The following SYT7 variants were observed in gnomAD, a reference collection of about 807,000 sequenced individuals.
SYT7 encodes synaptotagmin 7.
Under a neutral mutation model 75.1 loss-of-function variants are expected in SYT7, and 29 were observed. The ratio of observed to expected loss-of-function variants is 0.39; its 90% CI spans 0.29 to 0.53. SYT7 has a LOEUF of 0.53. Ranked by LOEUF, SYT7 falls within the 20% of genes least tolerant of loss-of-function variation. The pLI is 0.77. For missense variants in SYT7, 693 were observed against 953.2 expected, an observed-to-expected ratio of 0.73 and a Z score of 3.59; for synonymous variants, 376 against 401.7, an observed-to-expected ratio of 0.94 and a Z score of 0.76.
At chr11:61,520,516 T>C (rs1319771107) in intron 12 of SYT7, among the ~76,000 whole-genome samples, 1 of 148,630 alleles carries the variant, frequency 6.7e-6, no homozygotes, top group African/African-American at 2.5e-5. Context: ...ACAGTGAGAC[T>C]CTGTCTAAAA....
In SYT7 at chr11:61,542,153, G is replaced by A. The variant is rs930015823; in HGVS notation, c.941+58C>T. Reference sequence around the variant, plus strand: ...AACCAGCTGCTCCCAAGGAGATCTGGGGGGCAGGAGGCTGGGTCAGGGAGG... The same window carrying A: ...AACCAGCTGCTCCCAAGGAGATCTGAGGGGCAGGAGGCTGGGTCAGGGAGG... On this transcript the variant is annotated intron_variant, in intron 6 of 12. Coordinates refer to ENST00000539008, the MANE Select transcript of SYT7 (RefSeq NM_001365809.2). The surrounding 1 kb of genome is among the most constrained non-coding windows in gnomAD (Gnocchi z 7.8). 3 of 1,501,592 alleles carry A rather than the reference G, an allele frequency of 2.0e-6. No homozygotes were observed. The highest frequency in any genetic ancestry group is 2.7e-6 in the Non-Finnish European group (3 of 1,130,816). The allele number at this position is 1,501,592 out of a possible 1,614,324, so 93.0% of individuals were successfully genotyped here. A position where few individuals can be genotyped will look rare whatever the true frequency, so the allele number is the denominator to read the frequency against.
chr11:61,536,547 A>T (rs1404935173), intron 7 of SYT7, among the ~76,000 whole-genome samples: 1 of 152,164 alleles, frequency 6.6e-6, no homozygotes, highest in Non-Finnish European at 1.5e-5. Context: ...TCAGGAAGTC[A>T]CAGCTCCTGT....
At chr11:61,584,626 G>A (rs193075686), upstream of SYT7, among the ~76,000 whole-genome samples, 460 of 152,266 alleles carry the variant, frequency 3.0e-3, 6 homozygotes, top group South Asian at 0.038. Flanking sequence ...GATGAGAGCC[G>A]AGCCAACTGT....
chr11:61,540,613 C>T (rs549338106), intron 6 of SYT7: 117 of 985,460 alleles, frequency 1.2e-4, no homozygotes, highest in Non-Finnish European at 1.3e-4. Context: ...TGATGCTGGA[C>T]GAATCCCAGT....
intron 1 of SYT7, among the ~76,000 whole-genome samples, chr11:61,579,655 A>G (rs1185862040): frequency 6.6e-6 from 1 of 152,232 alleles, no homozygotes; most frequent in East Asian, 1.9e-4. Context: ...GACTGCCTTC[A>G]GGAGCCTCAG....
rs576298033 is a variant in SYT7, at chr11:61,555,698, C to T, written c.135+406G>A. ...AGGGGAGCGGGCAGAGGGGAGGGGG[C>T]GCGGTGCTTAGAGTGGGGGCTCTAT... is the stretch of plus-strand genomic sequence containing the variant. On this transcript the variant is annotated intron_variant, in intron 2 of 12. Coordinates refer to ENST00000539008, the MANE Select transcript of SYT7 (RefSeq NM_001365809.2). Among the ~76,000 whole-genome samples the T allele has an allele frequency of 3.8e-4, 58 of 151,966 alleles. 1 individual carries two copies. In the South Asian group the frequency reaches 8.8e-3, roughly 23 times the overall value.
chr11:61,532,449 C>T (rs2062741117), intron 8 of SYT7, among the ~76,000 whole-genome samples: 2 of 152,144 alleles, frequency 1.3e-5, no homozygotes, highest in South Asian at 4.1e-4. Flanking sequence ...CAGGAGCCCC[C>T]ATCACAGCTG....
intron 1 of SYT7, among the ~76,000 whole-genome samples, chr11:61,569,546 A>G (rs1423515947): frequency 6.6e-6 from 1 of 152,160 alleles, no homozygotes. Context: ...ACAGGGACAC[A>G]TCGCAGGAAG....
At chr11:61,540,508 AC>A (rs2063009816) in intron 6 of SYT7, 3 of 985,482 alleles carry the variant, frequency 3.0e-6, no homozygotes, top group Non-Finnish European at 3.6e-6. Context: ...AAGTTGGCCG[AC>A]CCTTGAGGTG....
chr11:61,560,277 T>G (rs2063602805), intron 1 of SYT7, among the ~76,000 whole-genome samples: 1 of 152,196 alleles, frequency 6.6e-6, no homozygotes, highest in African/African-American at 2.4e-5. Context: ...TAGGGTTGCC[T>G]GGAGTCTCTC....
At chr11:61,537,442 G>A (rs1476659206) in intron 7 of SYT7, among the ~76,000 whole-genome samples, 1 of 152,168 alleles carries the variant, frequency 6.6e-6, no homozygotes, top group East Asian at 1.9e-4. Context: ...CCTGTGCTGT[G>A]GCCACACAGG....
chr11:61,539,051 C>T (rs796415631), intron 6 of SYT7, among the ~76,000 whole-genome samples: 4 of 152,316 alleles, frequency 2.6e-5, no homozygotes, highest in African/African-American at 4.8e-5. Flanking sequence ...TGAGCACCAC[C>T]GCTGAGTCCA....
chr11:61,557,914 G>A (rs1235251193), intron 1 of SYT7, among the ~76,000 whole-genome samples: 1 of 152,216 alleles, frequency 6.6e-6, no homozygotes, highest in African/African-American at 2.4e-5. Flanking sequence ...GGGAGAATAG[G>A]AGCAGGGCAC....
rs569270986 is a variant in SYT7, at chr11:61,514,945, G to A, written c.*3682C>T. On this transcript the variant is annotated 3_prime_UTR_variant, in exon 13 of 13. Transcript: ENST00000539008. ...AAGCTGGAGCGTCCCCCTTTGGTTT[G>A]TCTGAGCTGCCTTGGAGGGTGGCAA... Among the ~76,000 whole-genome samples, 363 of 152,308 alleles carry A rather than the reference G, an allele frequency of 2.4e-3. 1 individual carries two copies. The highest frequency in any genetic ancestry group is 8.4e-3 in the African/African-American group (350 of 41,560).
upstream of SYT7, among the ~76,000 whole-genome samples, chr11:61,584,952 G>A (rs1398631431): frequency 1.3e-5 from 2 of 152,206 alleles, no homozygotes; most frequent in African/African-American, 4.8e-5. Flanking sequence ...GTTCCATGAC[G>A]TGGCAGGAAA....
In SYT7 at chr11:61,580,921, G is replaced by A; in HGVS notation, c.-101C>T. ...GGCATGGGGCCGGGCGACCCCCGGG[G>A]GCGGGTCCGAGGGCGGGGGCCGAGC... On this transcript the variant is annotated 5_prime_UTR_variant, in exon 1 of 13. Coordinates refer to ENST00000539008, the MANE Select transcript of SYT7 (RefSeq NM_001365809.2). The surrounding 1 kb of genome is among the most constrained non-coding windows in gnomAD (Gnocchi z 6.1). The A allele has an allele frequency of 9.5e-7, 1 of 1,053,884 alleles. No homozygotes were observed. Among genetic ancestry groups the A allele is most frequent in the Non-Finnish European group, 1.1e-6 (1 of 875,166 alleles). 65.3% of individuals were successfully genotyped at this position (1,053,884 alleles called of 1,614,324 possible).
Position 61,580,289 on chromosome 11 carries a change from A to T in SYT7, c.31+501T>A, listed in dbSNP as rs1441281050. On this transcript the variant is annotated intron_variant, in intron 1 of 12. Transcript: ENST00000539008. This position sits in a 1 kb window ranked among gnomAD's most constrained non-coding sequence, Gnocchi z 6.1. ...AACCTCCCTGCCCAGCTGCCGCACC[A>T]GATTCCCACTTGCCCCCTGGCACCC... Among the ~76,000 whole-genome samples the T allele has an allele frequency of 6.7e-6, 1 of 149,620 alleles. No individual in the cohort carries two copies. The highest frequency in any genetic ancestry group is 2.5e-5 in the African/African-American group (1 of 40,378).
intron 8 of SYT7, among the ~76,000 whole-genome samples, chr11:61,530,532 G>C (rs2062673661): frequency 1.3e-5 from 2 of 152,186 alleles, no homozygotes; most frequent in Non-Finnish European, 2.9e-5. Context: ...TCCTTCTAGA[G>C]TTCTGCCCCG....
chr11:61,542,077 C>G lies in SYT7; in HGVS notation c.941+134G>C. 2 of 1,259,050 alleles carry G rather than the reference C, an allele frequency of 1.6e-6. No individual in the cohort carries two copies. Among genetic ancestry groups the G allele is most frequent in the Non-Finnish European group, 2.1e-6 (2 of 946,732 alleles). 78.0% of individuals were successfully genotyped at this position (1,259,050 alleles called of 1,614,324 possible). ...CACAAGAGGCTAAGGAGGGGGCTGC[C>G]AAGTCTGCTTGGCACCCTGCCAAGG... On this transcript the variant is annotated intron_variant, in intron 6 of 12. Coordinates refer to ENST00000539008, the MANE Select transcript of SYT7 (RefSeq NM_001365809.2). This position sits in a 1 kb window ranked among gnomAD's most constrained non-coding sequence, Gnocchi z 7.8.
Sources: allele counts gnomAD v4.1 joint callset (sites outside exome capture counted in the v4.1 genomes callset), GRCh38; gene constraint gnomAD v4.1.1; non-coding constraint Gnocchi (gnomAD v3.1); transcripts MANE v1.5; gene names NCBI Gene and HGNC (gene_info 2026-07-23, HGNC 2026-07-21).